Variants in STK3 observed in about 807,000 individuals in gnomAD.
The protein encoded by STK3 is serine/threonine-protein kinase 3.
In STK3, 41 loss-of-function variants were observed where a neutral mutation model predicts 58.0. The observed-to-expected ratio is 0.71, with a 90% CI of 0.55 to 0.92. The LOEUF is 0.92. Ranked by LOEUF, STK3 falls within the 40% of genes least tolerant of loss-of-function variation. The pLI is 0.00. For missense variants in STK3, 479 were observed against 602.7 expected (o/e 0.79, Z 2.15); for synonymous variants, 170 against 191.0 (o/e 0.89, Z 0.91).
At chr8:98,685,468 G>T (rs1404835518) in intron 6 of STK3, among the ~76,000 whole-genome samples, 4 of 152,098 alleles carry the variant, frequency 2.6e-5, no homozygotes, top group Non-Finnish European at 4.4e-5. Context: ...ACTTGTTCAT[G>T]TCTTAAAGAA....
chr8:98,721,211 A>G (rs1827397932), intron 4 of STK3: 1 of 721,366 alleles, frequency 1.4e-6, no homozygotes, highest in African/African-American at 1.9e-5. Flanking sequence ...AAAAATACTT[A>G]GAAGAAAACC....
At chr8:98,920,453 C>T (rs1839514036) in intron 1 of STK3, among the ~76,000 whole-genome samples, 1 of 152,210 alleles carries the variant, frequency 6.6e-6, no homozygotes, top group Non-Finnish European at 1.5e-5. Flanking sequence ...TGCACCTGGC[C>T]CGTCCGGCTG....
intron 4 of STK3, among the ~76,000 whole-genome samples, chr8:98,714,370 T>A (rs1563922296): frequency 6.6e-6 from 1 of 152,174 alleles, no homozygotes. Context: ...TGATTGGATA[T>A]CTAGAAAACC....
intron 3 of STK3, among the ~76,000 whole-genome samples, chr8:98,404,361 A>C (rs1456082669): frequency 1.3e-5 from 2 of 151,824 alleles, no homozygotes; most frequent in Non-Finnish European, 2.9e-5. Context: ...ACATAGCGAG[A>C]CTCCATGTCT....
chr8:98,840,627 A>G (rs1380269879), intron 3 of STK3, among the ~76,000 whole-genome samples: 2 of 128,234 alleles, frequency 1.6e-5, no homozygotes, highest in Non-Finnish European at 3.3e-5. Flanking sequence ...ATATATATAT[A>G]TACACACACA....
chr8:98,413,415 T>C (rs1563595782), intron 3 of STK3: 1 of 563,146 alleles, frequency 1.8e-6, no homozygotes, highest in Non-Finnish European at 3.5e-6. Flanking sequence ...TATTTCCTGC[T>C]GATCCCTCAC....
chr8:98,798,668 T>C (rs1295479085), intron 1 of STK3, among the ~76,000 whole-genome samples: 1 of 152,220 alleles, frequency 6.6e-6, no homozygotes, highest in Non-Finnish European at 1.5e-5. Context: ...TTTGGATATG[T>C]CCCCTCCAAA....
intron 6 of STK3, among the ~76,000 whole-genome samples, chr8:98,657,738 C>T (rs1306150098): frequency 1.3e-5 from 2 of 151,904 alleles, no homozygotes; most frequent in Admixed American, 1.3e-4. Flanking sequence ...TTAAGAGTAT[C>T]TTAATGTGAT....
At chr8:98,690,211 A>T (rs560268773) in intron 6 of STK3, among the ~76,000 whole-genome samples, 1 of 152,302 alleles carries the variant, frequency 6.6e-6, no homozygotes, top group African/African-American at 2.4e-5. Flanking sequence ...AGGCAAGAGA[A>T]AGAAGTAAAA....
At chr8:98,808,593 T>C (rs1215230124) in intron 1 of STK3, among the ~76,000 whole-genome samples, 1 of 152,186 alleles carries the variant, frequency 6.6e-6, no homozygotes, top group East Asian at 1.9e-4. Context: ...TATTTTAACA[T>C]GTACAATTCA....
chr8:98,745,608 T>G (rs2131338667), intron 4 of STK3, among the ~76,000 whole-genome samples: 1 of 152,066 alleles, frequency 6.6e-6, no homozygotes, highest in South Asian at 2.1e-4. Context: ...CAATAAGGGC[T>G]GCTTTTCCCC....
downstream of STK3, among the ~76,000 whole-genome samples, chr8:98,451,254 C>A (rs1819186996): frequency 6.6e-6 from 1 of 152,108 alleles, no homozygotes; most frequent in Non-Finnish European, 1.5e-5. Flanking sequence ...AATATACTGG[C>A]ATGCATTGTG....
At chr8:98,600,147 T>C in intron 6 of STK3, among the ~76,000 whole-genome samples, 1 of 152,126 alleles carries the variant, frequency 6.6e-6, no homozygotes, top group East Asian at 1.9e-4. Context: ...TTCACTCCAG[T>C]TCCAGTAGCA....
intron 10 of STK3, among the ~76,000 whole-genome samples, chr8:98,509,261 A>G (rs891137487): frequency 1.3e-5 from 2 of 152,066 alleles, no homozygotes; most frequent in Admixed American, 6.6e-5. Context: ...TAAGATTGGT[A>G]TAACAATATA....
intron 6 of STK3, among the ~76,000 whole-genome samples, chr8:98,636,635 G>A (rs537348473): frequency 6.6e-6 from 1 of 152,236 alleles, no homozygotes; most frequent in African/African-American, 2.4e-5. Flanking sequence ...TATAGTTATT[G>A]TACTGGCAGT....
At chr8:98,723,671 T>G (rs1827602449) in intron 4 of STK3, among the ~76,000 whole-genome samples, 1 of 152,204 alleles carries the variant, frequency 6.6e-6, no homozygotes, top group Non-Finnish European at 1.5e-5. Context: ...GACGCATTAA[T>G]TCTACATTTA....
intron 8 of STK3, among the ~76,000 whole-genome samples, chr8:98,568,106 T>C (rs1226475610): frequency 1.4e-5 from 2 of 144,852 alleles, no homozygotes; most frequent in Non-Finnish European, 3.1e-5. Context: ...GATAGATAGA[T>C]AGATAGACTG....
chr8:98,611,673 T>C (rs1375206320), intron 6 of STK3, among the ~76,000 whole-genome samples: 2 of 152,218 alleles, frequency 1.3e-5, no homozygotes, highest in Non-Finnish European at 2.9e-5. Flanking sequence ...CCAAACTCTA[T>C]GCCAGTGGTT....
chr8:98,639,358 C>T (rs1819847263), intron 6 of STK3, among the ~76,000 whole-genome samples: 3 of 152,126 alleles, frequency 2.0e-5, no homozygotes, highest in African/African-American at 7.2e-5. Flanking sequence ...AGCAATCCAC[C>T]CACCTCAGCC....
Sources: gnomAD v4.1 joint callset for allele counts (sites outside exome capture counted in the v4.1 genomes callset) on GRCh38, gnomAD v4.1.1 for gene constraint, MANE v1.5 for transcripts, NCBI Gene and HGNC (gene_info 2026-07-23, HGNC 2026-07-21) for gene names.